Variants in FHOD3 observed in about 807,000 individuals in gnomAD.
FHOD3 encodes FH1/FH2 domain-containing protein 3.
Under a neutral mutation model 173.0 loss-of-function variants are expected in FHOD3, and 90 were observed. The observed-to-expected ratio is 0.52, with a 90% CI of 0.44 to 0.62. FHOD3 has a LOEUF of 0.62. Ranked by LOEUF, FHOD3 falls within the 20% of genes least tolerant of loss-of-function variation. The probability of loss-of-function intolerance (pLI) is 0.00; values close to 1 mark genes in which losing one functional copy is unlikely to be tolerated. For synonymous variants in FHOD3, 828 were observed against 823.0 expected (o/e 1.01, Z -0.10); for missense variants, 1,945 against 2,034.7 (o/e 0.96, Z 0.85).
At chr18:36,539,658 G>T (rs933793451) in intron 5 of FHOD3, among the ~76,000 whole-genome samples, 6 of 152,144 alleles carry the variant, frequency 3.9e-5, no homozygotes, top group African/African-American at 1.2e-4. Context: ...GCAGGTGGGC[G>T]AATCAGAGGT....
chr18:36,604,674 G>C (rs1388802330), intron 8 of FHOD3, among the ~76,000 whole-genome samples: 2 of 152,258 alleles, frequency 1.3e-5, no homozygotes, highest in Non-Finnish European at 2.9e-5. Flanking sequence ...GAGAGAGAGA[G>C]ATGAAGACTA....
rs533184732 is a variant in FHOD3, at chr18:36,391,477, A to G, written c.337+18733A>G. 3.9e-5 allele frequency among the ~76,000 whole-genome samples: 6 copies of G among 152,270 alleles called. No individual in the cohort carries two copies. The South Asian group carries it at 6.2e-4, about 16-fold the overall frequency. On this transcript the variant is annotated intron_variant, in intron 3 of 28. Coordinates refer to ENST00000590592, the MANE Select transcript of FHOD3 (RefSeq NM_001281740.3). The stretch of plus-strand genomic sequence containing the variant: ...AGGAGGGTCCTACAGGGGATATACC[A>G]TAGCCAGTGGTAAGTTCAGGGAATT...
rs371901305 is a variant in FHOD3, at chr18:36,714,049, G to A, written c.2534-3783G>A. Among the ~76,000 whole-genome samples the A allele has an allele frequency of 1.4e-4, 22 of 152,064 alleles. No individual in the cohort carries two copies. In the South Asian group the frequency reaches 1.9e-3, roughly 13 times the overall value. ...GGAAAAAGTCTGTAGGACTAGGTACGAAAGGAAGAAAAAAAAGTTGAGAAA... is the reference window on the plus strand; with the variant it reads ...GGAAAAAGTCTGTAGGACTAGGTACAAAAGGAAGAAAAAAAAGTTGAGAAA... On this transcript the variant is annotated intron_variant, in intron 18 of 28. Transcript: ENST00000590592.
At chr18:36,520,087 A>G (rs1342270570) in intron 5 of FHOD3, among the ~76,000 whole-genome samples, 2 of 151,452 alleles carry the variant, frequency 1.3e-5, no homozygotes, top group Admixed American at 6.6e-5. Context: ...CCTCTCTAGT[A>G]GCTGGAACCA....
intron 1 of FHOD3, among the ~76,000 whole-genome samples, chr18:36,332,379 G>T (rs2045064320): frequency 6.6e-6 from 1 of 152,200 alleles, no homozygotes; most frequent in South Asian, 2.1e-4. Context: ...TTGCCTTAAG[G>T]ACAGAGGCCT....
intron 24 of FHOD3, among the ~76,000 whole-genome samples, chr18:36,752,310 G>T (rs2042435994): frequency 6.6e-6 from 1 of 152,176 alleles, no homozygotes; most frequent in Non-Finnish European, 1.5e-5. Context: ...GCAATGGACT[G>T]CCATTCAAGG....
chr18:36,361,578 C>T lies in FHOD3; in HGVS notation c.272+5933C>T, dbSNP rs867253796. ...GCACGTGCTTGTAGTCCCAGCTACT[C>T]GGGAGGCTGAGGCAGGAGAATTGCT... On this transcript the variant is annotated intron_variant, in intron 2 of 28. Transcript: ENST00000590592. 4.0e-5 allele frequency among the ~76,000 whole-genome samples: 6 copies of T among 150,810 alleles called. No individual in the cohort carries two copies. The South Asian group carries it at 6.3e-4, about 16-fold the overall frequency.
chr18:36,437,551 C>G (rs1280574758), intron 3 of FHOD3, among the ~76,000 whole-genome samples: 1 of 151,760 alleles, frequency 6.6e-6, no homozygotes, highest in African/African-American at 2.4e-5. Context: ...ATTTCCTTTA[C>G]TGGCAATTTA....
chr18:36,449,541 G>C (rs555508556), intron 3 of FHOD3, among the ~76,000 whole-genome samples: 258 of 152,240 alleles, frequency 1.7e-3, no homozygotes, highest in Middle Eastern at 6.8e-3. Context: ...CATATTAACT[G>C]CTTTCCTCAC....
rs73948093 is a variant in FHOD3 at position 36,617,476 on chromosome 18, C to T, written c.957+5381C>T. 5.4e-3 allele frequency among the ~76,000 whole-genome samples: 815 copies of T among 152,066 alleles called. 10 individuals are homozygous for T. Among genetic ancestry groups the T allele is most frequent in the African/African-American group, 0.018 (766 of 41,472 alleles). ...ACAGCTTGTTCATTTTCACTGCTGA[C>T]GAATGTATCACAATTTATTTATCTG... On this transcript the variant is annotated intron_variant, in intron 9 of 28. Coordinates refer to ENST00000590592, the MANE Select transcript of FHOD3 (RefSeq NM_001281740.3).
intron 6 of FHOD3, among the ~76,000 whole-genome samples, chr18:36,578,620 A>T (rs8090716): frequency 0.019 from 2,843 of 151,906 alleles, 114 homozygotes; most frequent in East Asian, 0.15. Context: ...CCCTGGCCCT[A>T]CCCCTGGAGT....
At chr18:36,731,733 T>G (rs755281125) in intron 20 of FHOD3, among the ~76,000 whole-genome samples, 1 of 151,636 alleles carries the variant, frequency 6.6e-6, no homozygotes, top group African/African-American at 2.4e-5. Flanking sequence ...AAGTTGAGAG[T>G]GAGGAAGGGC....
chr18:36,604,672 G>A (rs1004387797), intron 8 of FHOD3, among the ~76,000 whole-genome samples: 1 of 152,176 alleles, frequency 6.6e-6, no homozygotes, highest in African/African-American at 2.4e-5. Context: ...AAGAGAGAGA[G>A]AGATGAAGAC....
intron 2 of FHOD3, among the ~76,000 whole-genome samples, chr18:36,368,139 A>G (rs1039429334): frequency 9.2e-5 from 14 of 151,678 alleles, no homozygotes; most frequent in African/African-American, 3.4e-4. Context: ...TAATCTATCT[A>G]TCTAGAAATA....
intron 3 of FHOD3, among the ~76,000 whole-genome samples, chr18:36,478,110 G>C (rs891383954): frequency 5.3e-5 from 8 of 152,160 alleles, no homozygotes; most frequent in Non-Finnish European, 1.2e-4. Context: ...GGTGTCATTT[G>C]AGCAGAGGGT....
At chr18:36,686,056 G>T (rs2038591206) in intron 15 of FHOD3, among the ~76,000 whole-genome samples, 1 of 152,030 alleles carries the variant, frequency 6.6e-6, no homozygotes, top group East Asian at 1.9e-4. Context: ...ATTCCTCAGA[G>T]ACCTAGAACC....
chr18:36,469,225 T>G (rs545107634), intron 3 of FHOD3, among the ~76,000 whole-genome samples: 38 of 152,274 alleles, frequency 2.5e-4, no homozygotes, highest in African/African-American at 8.9e-4. Flanking sequence ...TAAGCAAATA[T>G]TGACCCTCTC....
At chr18:36,318,673 G>A (rs2044248979) in intron 1 of FHOD3, among the ~76,000 whole-genome samples, 2 of 151,988 alleles carry the variant, frequency 1.3e-5, no homozygotes, top group South Asian at 4.1e-4. Context: ...CATCTGCAGA[G>A]ACAGTTTGAC....
chr18:36,728,826 C>A (rs1255391686), intron 19 of FHOD3, among the ~76,000 whole-genome samples: 3 of 152,130 alleles, frequency 2.0e-5, no homozygotes, highest in Non-Finnish European at 2.9e-5. Context: ...CAAGGTGAGG[C>A]CTCAGTGCAG....
Sources: allele counts gnomAD v4.1 joint callset (sites outside exome capture counted in the v4.1 genomes callset), GRCh38; gene constraint gnomAD v4.1.1; transcripts MANE v1.5; gene names NCBI Gene and HGNC (gene_info 2026-07-23, HGNC 2026-07-21).